The following MPHOSPH10 variants were observed in gnomAD, a reference collection of about 807,000 sequenced individuals.
MPHOSPH10 encodes M-phase phosphoprotein 10.
In MPHOSPH10, 33 loss-of-function variants were observed where a neutral mutation model predicts 77.3. The observed-to-expected ratio is 0.43, with a 90% CI of 0.32 to 0.57. MPHOSPH10 has a LOEUF of 0.57. MPHOSPH10 is among the 20% of genes least tolerant of loss of function. The pLI, the probability that MPHOSPH10 is intolerant of heterozygous loss-of-function variation, is 0.07. For synonymous variants in MPHOSPH10, 245 were observed against 268.0 expected (o/e 0.91, Z 0.84); for missense variants, 708 against 780.1 (o/e 0.91, Z 1.10).
At chr2:71,136,931 C>T (rs1311246065) in intron 4 of MPHOSPH10, among the ~76,000 whole-genome samples, 1 of 142,640 alleles carries the variant, frequency 7.0e-6, no homozygotes. Context: ...CACACACACA[C>T]ACACACACAC....
intron 1 of MPHOSPH10, among the ~76,000 whole-genome samples, chr2:71,132,561 A>G (rs1183429113): frequency 6.6e-6 from 1 of 152,208 alleles, no homozygotes; most frequent in Non-Finnish European, 1.5e-5. Flanking sequence ...GCCAAAGCAA[A>G]TGTTGATCAT....
intron 5 of MPHOSPH10, chr2:71,139,024 C>T: frequency 2.2e-6 from 1 of 444,602 alleles, no homozygotes; most frequent in Non-Finnish European, 4.0e-6. Context: ...GCCTGGGCAA[C>T]AGAGCGACAC....
At chr2:71,147,047 C>T (rs951661844) in intron 8 of MPHOSPH10, among the ~76,000 whole-genome samples, 5 of 152,050 alleles carry the variant, frequency 3.3e-5, no homozygotes, top group Non-Finnish European at 7.4e-5. Flanking sequence ...TAATTGATAG[C>T]TTTGATTTAT....
intron 8 of MPHOSPH10, among the ~76,000 whole-genome samples, chr2:71,147,646 C>A (rs1179028988): frequency 6.6e-6 from 1 of 151,872 alleles, no homozygotes; most frequent in Non-Finnish European, 1.5e-5. Flanking sequence ...GCACTCCAGC[C>A]TGGGCAACAG....
intron 1 of MPHOSPH10, among the ~76,000 whole-genome samples, chr2:71,131,525 G>T (rs1400367248): frequency 6.6e-6 from 1 of 152,216 alleles, no homozygotes; most frequent in Non-Finnish European, 1.5e-5. Context: ...TGTGTGAAGA[G>T]ACCACTAAAA....
Position 71,139,801 on chromosome 2 carries a change from T to C in MPHOSPH10, c.1247T>C (p.Val416Ala). 1 of 1,608,164 alleles carries C rather than the reference T, an allele frequency of 6.2e-7. No homozygotes were observed. Among genetic ancestry groups the C allele is most frequent in the Non-Finnish European group, 8.5e-7 (1 of 1,176,016 alleles). The change falls in exon 6 of 11, where the codon GTG (valine) becomes GCG (alanine). Residue 416 changes from valine (V) to alanine (A), a missense_variant. Coordinates refer to ENST00000244230, the MANE Select transcript of MPHOSPH10 (RefSeq NM_005791.3). ...HFDHAVRMAP[V>A]ITEETTLQLE... Reference sequence around the variant, plus strand: ...AACGTTGTATATCCTTTAGCACCTGTGATTACAGAGGAAACCACCCTTCAA... The same window carrying C: ...AACGTTGTATATCCTTTAGCACCTGCGATTACAGAGGAAACCACCCTTCAA...
chr2:71,144,438 C>T lies in MPHOSPH10; in HGVS notation c.1457C>T (p.Ala486Val). 4 of 1,613,322 alleles carry T rather than the reference C, an allele frequency of 2.5e-6. No individual in the cohort carries two copies. Among genetic ancestry groups the T allele is most frequent in the Non-Finnish European group, 3.4e-6 (4 of 1,179,560 alleles). ...AACTTATTTCCTAAGCAAAAAACAG[C>T]AGAAGAAGAAAATCCAGAACATGTA... ...EYIKLNQQKTAEEENPEHVEI... is the reference protein window; with the variant it reads ...EYIKLNQQKTVEEENPEHVEI... The change falls in exon 8 of 11, where the codon GCA becomes GTA. Residue 486 changes from alanine to valine, a missense_variant. By Grantham distance (64) the Ala-to-Val change is moderately conservative. Around this residue, in one of 3 missense-constraint regions of MPHOSPH10, gnomAD observed 263 missense variants for 320.0 expected, o/e 0.82. Transcript: ENST00000244230.
chr2:71,143,163 G>A (rs1553442205), intron 7 of MPHOSPH10, among the ~76,000 whole-genome samples: 1 of 142,160 alleles, frequency 7.0e-6, no homozygotes. Context: ...TTTTTTTTGA[G>A]ACGGAGTCTT....
intron 4 of MPHOSPH10, among the ~76,000 whole-genome samples, chr2:71,137,027 C>T (rs893031847): frequency 4.0e-4 from 61 of 151,318 alleles, no homozygotes; most frequent in African/African-American, 1.5e-3. Context: ...TGATGCCACA[C>T]AACTGCATGA....
Position 71,149,215 on chromosome 2 carries a change from T to C in MPHOSPH10, c.1666-8T>C. ...GAATGAATATGTTGGTGGTTATTTTTTTAATAGGAGAAAAATAAAGCTGGA... is the reference window on the plus strand; with the variant it reads ...GAATGAATATGTTGGTGGTTATTTTCTTAATAGGAGAAAAATAAAGCTGGA... On this transcript the variant is annotated splice_region_variant and splice_polypyrimidine_tract_variant and intron_variant, in intron 9 of 10. Coordinates refer to ENST00000244230, the MANE Select transcript of MPHOSPH10 (RefSeq NM_005791.3). 6.5e-7 allele frequency: 1 copy of C among 1,537,998 alleles called. No individual in the cohort carries two copies. Among genetic ancestry groups the C allele is most frequent in the East Asian group, 2.4e-5 (1 of 41,178 alleles).
rs1276219863 is a variant in MPHOSPH10 at position 71,133,025 on chromosome 2, G to C, written c.217G>C (p.Asp73His). 1 of 1,614,020 alleles carries C rather than the reference G, an allele frequency of 6.2e-7. No individual in the cohort carries two copies. The highest frequency in any genetic ancestry group is 8.5e-7 in the Non-Finnish European group (1 of 1,180,012). The change falls in exon 2 of 11, where the codon GAT (aspartate) becomes CAT (histidine). Residue 73 changes from aspartate to histidine, a missense_variant. By Grantham distance (81) the Asp-to-His change is moderately conservative. Around this residue, in one of 3 missense-constraint regions of MPHOSPH10, gnomAD observed 433 missense variants for 432.6 expected, o/e 1.00. Transcript: ENST00000244230. ...LQKLVIENFD[D>H]EQIWQQLELQ... Reference sequence around the variant, plus strand: ...AAAACTTGTGATAGAAAATTTTGATGATGAGCAGATTTGGCAACAACTGGA... The same window carrying C: ...AAAACTTGTGATAGAAAATTTTGATCATGAGCAGATTTGGCAACAACTGGA...
Position 71,133,512 on chromosome 2 carries a change from A to AT in MPHOSPH10, c.711dup (p.Glu238Ter). 6.2e-7 allele frequency: 1 copy of AT among 1,611,764 alleles called. No individual in the cohort carries two copies. Among genetic ancestry groups the AT allele is most frequent in the African/African-American group, 1.3e-5 (1 of 74,780 alleles). On this transcript the variant is annotated frameshift_variant, in exon 2 of 11. Coordinates refer to ENST00000244230, the MANE Select transcript of MPHOSPH10 (RefSeq NM_005791.3). LOFTEE classifies it high-confidence loss of function. ...AATGATGAGGAGGAGGAAGATATTG[A>AT]TTTTTTTGAAGATATTGATTCTGAT...
intron 3 of MPHOSPH10, 37 bp downstream of exon 3, chr2:71,134,142 G>T: frequency 6.3e-7 from 1 of 1,576,368 alleles, no homozygotes; most frequent in Non-Finnish European, 8.6e-7. Flanking sequence ...TTGTAAGCTG[G>T]AATTGCCCAA....
chr2:71,135,783 A>G (rs1487996019), intron 4 of MPHOSPH10, among the ~76,000 whole-genome samples: 5 of 148,184 alleles, frequency 3.4e-5, no homozygotes, highest in Non-Finnish European at 7.4e-5. Flanking sequence ...GCTCACTGCA[A>G]CCTCCACCTC....
At chr2:71,132,611 T>A (rs553719772) in intron 1 of MPHOSPH10, among the ~76,000 whole-genome samples, 1 of 152,332 alleles carries the variant, frequency 6.6e-6, no homozygotes, top group South Asian at 2.1e-4. Context: ...TGGTATATAA[T>A]GTAGCAGAAT....
chr2:71,145,830 T>G (rs1158813764), intron 8 of MPHOSPH10, among the ~76,000 whole-genome samples: 2 of 152,114 alleles, frequency 1.3e-5, no homozygotes, highest in African/African-American at 4.8e-5. Flanking sequence ...CTCACTGTGC[T>G]CTTCCCCTGG....
intron 8 of MPHOSPH10, 54 bp from the exon 9 acceptor site, chr2:71,147,945 T>G: frequency 1.5e-6 from 2 of 1,345,770 alleles, no homozygotes; most frequent in Non-Finnish European, 1.1e-6. Context: ...AGTTCACACA[T>G]TTTGTGTTAG....
intron 4 of MPHOSPH10, among the ~76,000 whole-genome samples, chr2:71,135,682 T>C (rs1673474627): frequency 6.6e-6 from 1 of 151,654 alleles, no homozygotes. Context: ...ATACCACATA[T>C]GTCTTTTCTT....
At chr2:71,130,821 C>T (rs759711469) in intron 1 of MPHOSPH10, 67 bp downstream of exon 1, 7 of 1,461,216 alleles carry the variant, frequency 4.8e-6, no homozygotes, top group Non-Finnish European at 6.5e-6. Context: ...TGCAGGCCTC[C>T]GGCAAATTGT....
Sources: gnomAD v4.1 joint callset for allele counts (sites outside exome capture counted in the v4.1 genomes callset) on GRCh38, gnomAD v4.1.1 for gene constraint, gnomAD v4.1.1 regional missense constraint, MANE v1.5 for transcripts, NCBI Gene and HGNC (gene_info 2026-07-23, HGNC 2026-07-21) for gene names.